Variants in RIN2 observed in about 807,000 individuals in gnomAD.
RIN2 encodes the protein RAB5 interacting protein 2.
Under a neutral mutation model 78.0 loss-of-function variants are expected in RIN2, and 36 were observed. That is an observed-to-expected ratio of 0.46 (90% CI 0.35 to 0.61). RIN2 has a LOEUF of 0.61. Among genes scored for constraint, RIN2 ranks in the 20% least tolerant of loss-of-function variants. The pLI is 0.00. For missense variants in RIN2, 1,087 were observed against 1,159.7 expected, an observed-to-expected ratio of 0.94 and a Z score of 0.91; for synonymous variants, 466 against 466.8, an observed-to-expected ratio of 1.00 and a Z score of 0.02.
chr20:19,767,834 A>T (rs548000504), intron 1 of RIN2, among the ~76,000 whole-genome samples: 1 of 151,572 alleles, frequency 6.6e-6, no homozygotes, highest in African/African-American at 2.4e-5. Flanking sequence ...CTGAGGTAGG[A>T]GAATCACTTG....
intron 5 of RIN2, among the ~76,000 whole-genome samples, chr20:19,957,040 G>A (rs1224902473): frequency 1.3e-5 from 2 of 152,210 alleles, no homozygotes; most frequent in African/African-American, 2.4e-5. Flanking sequence ...CAAGGATCCA[G>A]CAGAGAACTG....
At chr20:19,816,047 C>T (rs1214425580) in intron 2 of RIN2, among the ~76,000 whole-genome samples, 1 of 152,236 alleles carries the variant, frequency 6.6e-6, no homozygotes, top group Non-Finnish European at 1.5e-5. Flanking sequence ...AGCCCCTTGC[C>T]AGTGGCATAT....
intron 2 of RIN2, among the ~76,000 whole-genome samples, chr20:19,851,238 A>G (rs2036971963): frequency 6.6e-6 from 1 of 152,094 alleles, no homozygotes. Context: ...AGGTGAGATG[A>G]TGCTGGGGAA....
At chr20:19,850,464 C>G (rs1232678125) in intron 2 of RIN2, among the ~76,000 whole-genome samples, 28 of 152,178 alleles carry the variant, frequency 1.8e-4, no homozygotes, top group African/African-American at 7.2e-5. Flanking sequence ...AGCCATGGTC[C>G]TCACAAACCA....
At chr20:19,936,352 A>C (rs939355295) in intron 4 of RIN2, among the ~76,000 whole-genome samples, 1 of 152,208 alleles carries the variant, frequency 6.6e-6, no homozygotes, top group Admixed American at 6.5e-5. Flanking sequence ...AATGATTTTC[A>C]GGTAGTGACT....
chr20:19,796,073 A>T (rs1207277618), intron 1 of RIN2, among the ~76,000 whole-genome samples: 3 of 136,144 alleles, frequency 2.2e-5, no homozygotes, highest in African/African-American at 1.0e-4. Flanking sequence ...AAGAGAAGGA[A>T]GAAAAGAGCA....
chr20:19,971,331 C>G (rs1364673798), intron 8 of RIN2, among the ~76,000 whole-genome samples: 1 of 152,076 alleles, frequency 6.6e-6, no homozygotes, highest in Non-Finnish European at 1.5e-5. Context: ...ATGTCCTAAC[C>G]CTGCCGGGGA....
intron 4 of RIN2, among the ~76,000 whole-genome samples, chr20:19,943,091 C>T (rs1176917033): frequency 6.6e-6 from 1 of 152,234 alleles, no homozygotes; most frequent in African/African-American, 2.4e-5. Context: ...GCTTGAAGGG[C>T]ATCGGGACCA....
rs561472568 is a variant in RIN2, at chr20:19,768,639, G to A, written c.-163+10312G>A. On this transcript the variant is annotated intron_variant, in intron 1 of 12. Transcript: ENST00000255006. ...TCTCATCCTCACACAGGCAGACAGAGTGGATTGTTATGAATAATTCATTGT... is the reference window on the plus strand; with the variant it reads ...TCTCATCCTCACACAGGCAGACAGAATGGATTGTTATGAATAATTCATTGT... 2.6e-5 allele frequency among the ~76,000 whole-genome samples: 4 copies of A among 152,366 alleles called. No homozygotes were observed. The South Asian group carries it at 8.3e-4, about 32-fold the overall frequency.
intron 11 of RIN2, among the ~76,000 whole-genome samples, chr20:19,995,435 A>AT (rs2042930030): frequency 6.6e-6 from 1 of 152,164 alleles, no homozygotes; most frequent in African/African-American, 2.4e-5. Flanking sequence ...CAATTAGGGA[A>AT]TTTTTAATAA....
At chr20:19,964,786 G>A (rs905949073) in intron 6 of RIN2, among the ~76,000 whole-genome samples, 166 bp from the exon 7 acceptor site, 9 of 152,176 alleles carry the variant, frequency 5.9e-5, no homozygotes, top group Admixed American at 2.6e-4. Flanking sequence ...ACTGTTTACC[G>A]GTGGCTGCTG....
Position 19,869,792 on chromosome 20 carries a change from T to TTTTATTTATTTATTTATTTA in RIN2, c.-36-19751_-36-19732dup, listed in dbSNP as rs71198030. Among the ~76,000 whole-genome samples the TTTTATTTATTTATTTATTTA allele has an allele frequency of 5.9e-5, 8 of 136,426 alleles. 1 individual carries two copies. The highest frequency in any genetic ancestry group is 4.9e-4 in the South Asian group (2 of 4,054). The allele number at this position is 136,426 out of a possible 152,430, so 89.5% of individuals were successfully genotyped here. ...GGTGTGCACCACCATGCCTGGCTAA[T>TTTTATTTATTTATTTATTTA]TTTATTTATTTATTTATTTATTTAT... On this transcript the variant is annotated intron_variant, in intron 2 of 12. Coordinates refer to ENST00000255006, the MANE Select transcript of RIN2 (RefSeq NM_018993.4).
chr20:19,998,082 G>C (rs556093495), intron 12 of RIN2, among the ~76,000 whole-genome samples: 1 of 151,498 alleles, frequency 6.6e-6, no homozygotes, highest in Non-Finnish European at 1.5e-5. Flanking sequence ...AGGTTCAAAC[G>C]ATTCTCCTGC....
At chr20:19,890,679 C>CAAAAAAAAAAAAAAAAA (rs534202183) in intron 3 of RIN2, among the ~76,000 whole-genome samples, 8 of 64,454 alleles carry the variant, frequency 1.2e-4, no homozygotes, top group African/African-American at 4.0e-4. Flanking sequence ...GTTGACTCTA[C>CAAAAAAAAAAAAAAAAA]AAAAAAAAAA....
chr20:19,853,408 T>TGG (rs1370628205), intron 2 of RIN2, among the ~76,000 whole-genome samples: 1 of 152,172 alleles, frequency 6.6e-6, no homozygotes, highest in Non-Finnish European at 1.5e-5. Context: ...AGTAATGGGA[T>TGG]GGCTGGGTCA....
intron 3 of RIN2, among the ~76,000 whole-genome samples, chr20:19,913,661 C>G (rs930120288): frequency 6.6e-6 from 1 of 152,148 alleles, no homozygotes; most frequent in African/African-American, 2.4e-5. Flanking sequence ...TCGGTACTTC[C>G]TACAAGTGGA....
chr20:19,853,654 T>C (rs1367783766), intron 2 of RIN2, among the ~76,000 whole-genome samples: 1 of 152,268 alleles, frequency 6.6e-6, no homozygotes, highest in Non-Finnish European at 1.5e-5. Context: ...CATTTTTTCA[T>C]GTGTCTGTTG....
chr20:19,931,108 C>G (rs1316073069), intron 3 of RIN2, among the ~76,000 whole-genome samples: 2 of 151,924 alleles, frequency 1.3e-5, no homozygotes, highest in Non-Finnish European at 2.9e-5. Flanking sequence ...TAAATAAAAT[C>G]TCACACGTGA....
At chr20:19,853,826 G>T (rs2037072112) in intron 2 of RIN2, among the ~76,000 whole-genome samples, 1 of 152,126 alleles carries the variant, frequency 6.6e-6, no homozygotes, top group African/African-American at 2.4e-5. Flanking sequence ...CCATTCTGTA[G>T]GTTGCCTGTT....
Sources: gnomAD v4.1 joint callset for allele counts (sites outside exome capture counted in the v4.1 genomes callset) on GRCh38, gnomAD v4.1.1 for gene constraint, MANE v1.5 for transcripts, NCBI Gene and HGNC (gene_info 2026-07-23, HGNC 2026-07-21) for gene names.